MYT1L: variants seen among roughly 807,000 people sequenced by gnomAD.
The protein encoded by MYT1L is myelin transcription factor 1-like protein.
A neutral mutation model predicts 126.7 loss-of-function variants in MYT1L; 12 were observed. The ratio of observed to expected loss-of-function variants is 0.09; its 90% confidence interval spans 0.06 to 0.15. The LOEUF (loss-of-function observed/expected upper bound fraction) is 0.15, where lower values mean the gene tolerates loss of function less well. MYT1L is among the 10% of genes least tolerant of loss of function. The pLI is 1.00. For synonymous variants in MYT1L, 541 were observed against 604.2 expected (o/e 0.90, Z 1.53); for missense variants, 979 against 1,585.2 (o/e 0.62, Z 6.49).
chr2:1,991,913 T>C (rs1388950000), intron 5 of MYT1L, among the ~76,000 whole-genome samples: 1 of 152,176 alleles, frequency 6.6e-6, no homozygotes, highest in Non-Finnish European at 1.5e-5. Context: ...AGCTCTATCC[T>C]GGTCCTTTCA....
chr2:2,065,581 G>C (rs2071131893), intron 3 of MYT1L, among the ~76,000 whole-genome samples: 1 of 151,930 alleles, frequency 6.6e-6, no homozygotes, highest in African/African-American at 2.4e-5. Context: ...ACCCGGCATG[G>C]TTTCCTGTAA....
chr2:2,164,581 A>ACTTTC (rs1369185034), intron 3 of MYT1L, among the ~76,000 whole-genome samples: 2 of 152,170 alleles, frequency 1.3e-5, no homozygotes, highest in East Asian at 3.9e-4. Flanking sequence ...AAGACTTAGC[A>ACTTTC]CAATGCCTCA....
In MYT1L at chr2:2,224,201, G is replaced by A. The variant is rs1014993601; in HGVS notation, c.-420-51213C>T. On this transcript the variant is annotated intron_variant, in intron 2 of 24. Coordinates refer to ENST00000647738, the MANE Select transcript of MYT1L (RefSeq NM_001303052.2). The surrounding 1 kb of genome is among the most constrained non-coding windows in gnomAD (Gnocchi z 4.0). Reference sequence around the variant, plus strand: ...AACAGGATCTTCTGCCTTTCTTATAGGGAAGAATTCTGTGACGAGTTGGCC... The same window carrying A: ...AACAGGATCTTCTGCCTTTCTTATAAGGAAGAATTCTGTGACGAGTTGGCC... Among the ~76,000 whole-genome samples, 2 of 152,142 alleles carry A rather than the reference G, an allele frequency of 1.3e-5. No individual in the cohort carries two copies. The highest frequency in any genetic ancestry group is 2.9e-5 in the Non-Finnish European group (2 of 68,052).
intron 8 of MYT1L, among the ~76,000 whole-genome samples, chr2:1,963,530 A>G (rs1038317210): frequency 5.9e-5 from 9 of 152,340 alleles, no homozygotes; most frequent in African/African-American, 2.2e-4. Context: ...CCTAGATGCC[A>G]TCTTCTTCCA....
At chr2:2,020,120 C>T (rs1166984056) in intron 4 of MYT1L, among the ~76,000 whole-genome samples, 2 of 152,204 alleles carry the variant, frequency 1.3e-5, no homozygotes, top group African/African-American at 4.8e-5. Context: ...GCTGAGATTA[C>T]AGGTGTGAGC....
intron 3 of MYT1L, among the ~76,000 whole-genome samples, chr2:2,054,694 G>A (rs546709414): frequency 2.7e-5 from 4 of 149,926 alleles, no homozygotes; most frequent in South Asian, 2.1e-4. Flanking sequence ...TAAAGATGAT[G>A]AGACACATGG....
At chr2:2,178,413 T>C (rs1409574569) in intron 2 of MYT1L, among the ~76,000 whole-genome samples, 1 of 152,172 alleles carries the variant, frequency 6.6e-6, no homozygotes, top group Non-Finnish European at 1.5e-5. Context: ...ATTAGATCAT[T>C]CTAGCTCATT....
At position 2,149,795 on chromosome 2, in the gene MYT1L, A is replaced by G. The variant is rs56341893; in HGVS notation, c.-304+23077T>C. 8.7e-3 allele frequency among the ~76,000 whole-genome samples: 1,316 copies of G among 151,498 alleles called. 21 individuals are homozygous for G. Among genetic ancestry groups the G allele is most frequent in the African/African-American group, 0.027 (1,094 of 40,924 alleles). On this transcript the variant is annotated intron_variant, in intron 3 of 24. Transcript: ENST00000647738. ...AATTAGGCTGCCATCCCAGGTCTGCATTTCAGGCTGCAGACAAGTTGGTCT... is the reference window on the plus strand; with the variant it reads ...AATTAGGCTGCCATCCCAGGTCTGCGTTTCAGGCTGCAGACAAGTTGGTCT...
At chr2:1,898,502 T>C (rs2049911779) in intron 14 of MYT1L, among the ~76,000 whole-genome samples, 1 of 152,224 alleles carries the variant, frequency 6.6e-6, no homozygotes, top group Non-Finnish European at 1.5e-5. Flanking sequence ...AGGCTCTCTT[T>C]TCCTCAGTGT....
At chr2:2,160,205 C>T (rs914745795) in intron 3 of MYT1L, among the ~76,000 whole-genome samples, 7 of 152,116 alleles carry the variant, frequency 4.6e-5, no homozygotes, top group African/African-American at 1.4e-4. Flanking sequence ...ACAAGAAAGA[C>T]GATGTAGGCT....
At chr2:2,183,451 T>C (rs1420721736) in intron 2 of MYT1L, among the ~76,000 whole-genome samples, 1 of 152,094 alleles carries the variant, frequency 6.6e-6, no homozygotes. Context: ...TCCTAAAGCT[T>C]GCTTTGTTTC....
intron 3 of MYT1L, among the ~76,000 whole-genome samples, chr2:2,168,168 G>T (rs546684050): frequency 2.1e-4 from 32 of 152,266 alleles, no homozygotes; most frequent in African/African-American, 7.5e-4. Context: ...GAGTAACTCT[G>T]CAGAACGGTG....
chr2:2,195,919 A>G (rs1559302305), intron 2 of MYT1L, among the ~76,000 whole-genome samples: 1 of 152,126 alleles, frequency 6.6e-6, no homozygotes, highest in African/African-American at 2.4e-5. Flanking sequence ...CACAGTATAA[A>G]ACCCTATCAC....
chr2:2,256,530 T>C (rs1027977363), intron 2 of MYT1L, among the ~76,000 whole-genome samples: 24 of 152,348 alleles, frequency 1.6e-4, no homozygotes, highest in African/African-American at 3.8e-4. Context: ...ATTTACTATC[T>C]GCCTTTTAAG....
At chr2:2,286,483 GT>G (rs2095522766) in intron 1 of MYT1L, among the ~76,000 whole-genome samples, 1 of 152,094 alleles carries the variant, frequency 6.6e-6, no homozygotes, top group Admixed American at 6.5e-5. Flanking sequence ...CAGATATCAA[GT>G]TTCGAATGAT....
At chr2:1,956,582 A>ATGTGTCCTATTCTATATTTCCTAT (rs2058474058) in intron 8 of MYT1L, among the ~76,000 whole-genome samples, 1 of 101,626 alleles carries the variant, frequency 9.8e-6, no homozygotes, top group African/African-American at 4.4e-5. Context: ...TATTCTATCT[A>ATGTGTCCTATTCTATATTTCCTAT]TCTATCTATC....
intron 8 of MYT1L, among the ~76,000 whole-genome samples, chr2:1,950,550 GAC>G (rs1199200671): frequency 1.3e-5 from 2 of 149,684 alleles, no homozygotes; most frequent in Admixed American, 1.3e-4. Flanking sequence ...CAGAGACACA[GAC>G]AGTTACCCTG....
chr2:2,004,001 GCATGCC>G (rs1558694252), intron 4 of MYT1L, among the ~76,000 whole-genome samples: 2 of 136,456 alleles, frequency 1.5e-5, no homozygotes, highest in Non-Finnish European at 3.4e-5. Context: ...GTTCTTTCCT[GCATGCC>G]TTCTTTCCTG....
At chr2:2,253,253 C>T (rs976923934) in intron 2 of MYT1L, among the ~76,000 whole-genome samples, 7 of 152,242 alleles carry the variant, frequency 4.6e-5, no homozygotes, top group African/African-American at 1.7e-4. Context: ...TTTTGCTGCC[C>T]CCCTCGCAGG....
Sources: gnomAD v4.1 joint callset for allele counts (sites outside exome capture counted in the v4.1 genomes callset) on GRCh38, gnomAD v4.1.1 for gene constraint, Gnocchi (gnomAD v3.1) non-coding constraint, MANE v1.5 for transcripts, NCBI Gene and HGNC (gene_info 2026-07-23, HGNC 2026-07-21) for gene names.